The following LCA5L variants were observed in gnomAD, a reference collection of about 807,000 sequenced individuals.
The protein encoded by LCA5L is lebercilin-like protein.
LCA5L carries 35 observed loss-of-function variants against 45.4 expected under a neutral mutation model. The observed-to-expected ratio is 0.77, with a 90% CI of 0.59 to 1.02. The LOEUF (loss-of-function observed/expected upper bound fraction) is 1.02, where lower values mean the gene tolerates loss of function less well. LCA5L is among the 50% of genes least tolerant of loss of function. The probability of loss-of-function intolerance (pLI) is 0.00; values close to 1 mark genes in which losing one functional copy is unlikely to be tolerated. For synonymous variants in LCA5L, 233 were observed against 264.7 expected (o/e 0.88, Z 1.16); for missense variants, 668 against 761.6 (o/e 0.88, Z 1.45).
chr21:39,428,824 G>C (rs1233291998), intron 4 of LCA5L, among the ~76,000 whole-genome samples: 2 of 150,686 alleles, frequency 1.3e-5, no homozygotes, highest in African/African-American at 4.9e-5. Context: ...ATGTTGCCCA[G>C]GCTGGTCTTG....
intron 1 of LCA5L, chr21:39,445,384 G>A (rs1360750328): frequency 6.6e-6 from 1 of 152,286 alleles, no homozygotes; most frequent in Admixed American, 6.5e-5. Flanking sequence ...CCTCGGTGGG[G>A]CGGCGGTGAG....
intron 3 of LCA5L, among the ~76,000 whole-genome samples, chr21:39,430,101 G>A (rs567673635): frequency 6.6e-6 from 1 of 152,244 alleles, no homozygotes; most frequent in South Asian, 2.1e-4. Flanking sequence ...GACTACAAAT[G>A]CTCCCGTGTA....
intron 2 of LCA5L, among the ~76,000 whole-genome samples, chr21:39,439,427 A>C (rs2076596850): frequency 6.6e-6 from 1 of 152,268 alleles, no homozygotes; most frequent in Non-Finnish European, 1.5e-5. Flanking sequence ...GCAGCAATAC[A>C]GAACTAATAC....
chr21:39,414,738 C>CTGTGTGTGTG (rs763309098), intron 7 of LCA5L, among the ~76,000 whole-genome samples: 4,377 of 106,758 alleles, frequency 0.041, 107 homozygotes, highest in Non-Finnish European at 0.049. Context: ...CTCTCTCTCT[C>CTGTGTGTGTG]TCTCTGTGTG....
chr21:39,441,164 T>C (rs2076812833), intron 2 of LCA5L, among the ~76,000 whole-genome samples: 1 of 152,030 alleles, frequency 6.6e-6, no homozygotes, highest in Non-Finnish European at 1.5e-5. Flanking sequence ...GGTGAGACCC[T>C]GTTCCTAAAA....
Position 39,440,169 on chromosome 21 carries a change from T to C in LCA5L, c.-246+3966A>G, listed in dbSNP as rs149642998. On this transcript the variant is annotated intron_variant, in intron 2 of 10. Coordinates refer to ENST00000288350, the MANE Select transcript of LCA5L (RefSeq NM_152505.4). The stretch of plus-strand genomic sequence containing the variant: ...CCCCAGAAACAATGAGTACACTGTG[T>C]ACCATTCTCCACTAAATACCATTCT... 7.2e-5 allele frequency among the ~76,000 whole-genome samples: 11 copies of C among 152,316 alleles called. No individual in the cohort carries two copies. In the East Asian group the frequency reaches 2.1e-3, roughly 29 times the overall value.
chr21:39,420,685 A>C (rs755189160), intron 7 of LCA5L, 21 bp downstream of exon 7: 1 of 1,595,442 alleles, frequency 6.3e-7, no homozygotes, highest in East Asian at 2.2e-5. Flanking sequence ...TCATTCTTAC[A>C]TTTTGTTTTA....
chr21:39,421,206 G>A (rs546241227), intron 6 of LCA5L, among the ~76,000 whole-genome samples: 21 of 150,736 alleles, frequency 1.4e-4, no homozygotes, highest in Non-Finnish European at 2.2e-4. Context: ...GGGTTCAAAC[G>A]ATTCTCCTGC....
chr21:39,419,293 G>A (rs1379091314), intron 7 of LCA5L, among the ~76,000 whole-genome samples: 3 of 152,130 alleles, frequency 2.0e-5, no homozygotes, highest in Non-Finnish European at 4.4e-5. Context: ...GGAAGGCCAA[G>A]GCAGGAGGAT....
At chr21:39,415,462 A>G (rs2040967836) in intron 7 of LCA5L, among the ~76,000 whole-genome samples, 1 of 152,090 alleles carries the variant, frequency 6.6e-6, no homozygotes. Context: ...GCTGTTTCCC[A>G]CTCTCTCTGA....
At position 39,405,786 on chromosome 21, in the gene LCA5L, T is replaced by G; in HGVS notation, c.*96A>C. ...TCAATTAAGTACTAAAACACACACA[T>G]ACATACACTCCCTCTCTCACACATT... On this transcript the variant is annotated 3_prime_UTR_variant, in exon 11 of 11. Coordinates refer to ENST00000288350, the MANE Select transcript of LCA5L (RefSeq NM_152505.4). 1.0e-6 allele frequency: 1 copy of G among 956,158 alleles called. No homozygotes were observed. The highest frequency in any genetic ancestry group is 1.5e-6 in the Non-Finnish European group (1 of 669,998). The allele number at this position is 956,158 out of a possible 1,614,324, so 59.2% of individuals were successfully genotyped here. A position where few individuals can be genotyped will look rare whatever the true frequency, so the allele number is the denominator to read the frequency against.
chr21:39,421,975 G>C (rs1194798515), intron 6 of LCA5L: 1 of 152,070 alleles, frequency 6.6e-6, no homozygotes, highest in Non-Finnish European at 1.5e-5. Context: ...GCTTTTACAT[G>C]ACAGACATAC....
chr21:39,428,676 G>A (rs2075294551), intron 4 of LCA5L, 173 bp from the exon 5 acceptor site: 1 of 140,738 alleles, frequency 7.1e-6, no homozygotes, highest in South Asian at 2.3e-4. Context: ...GCAGTGGTGT[G>A]GCCATGGCTT....
intron 3 of LCA5L, among the ~76,000 whole-genome samples, chr21:39,434,478 T>C (rs1333714978): frequency 6.6e-6 from 1 of 152,236 alleles, no homozygotes; most frequent in Non-Finnish European, 1.5e-5. Context: ...TTTCTGATTA[T>C]GTGGTGCATT....
rs1040353585 is a variant in LCA5L, at chr21:39,409,765, G to A, written c.1282+214C>T. 2.0e-5 allele frequency among the ~76,000 whole-genome samples: 3 copies of A among 152,008 alleles called. No homozygotes were observed. Among genetic ancestry groups the A allele is most frequent in the Non-Finnish European group, 4.4e-5 (3 of 68,002 alleles). On this transcript the variant is annotated intron_variant, in intron 10 of 10. Coordinates refer to ENST00000288350, the MANE Select transcript of LCA5L (RefSeq NM_152505.4). This position sits in a 1 kb window ranked among gnomAD's most constrained non-coding sequence, Gnocchi z 4.2. ...ATACCGCCATGTGCGGTTAAGTTTT[G>A]TATTTTTTAGTAGAGATAGGGTTTC...
chr21:39,423,556 C>T, intron 5 of LCA5L, 66 bp from the exon 6 acceptor site: 10 of 1,365,550 alleles, frequency 7.3e-6, no homozygotes, highest in Non-Finnish European at 9.8e-6. Flanking sequence ...TGCACATATG[C>T]ATAATCTCTC....
At chr21:39,426,895 G>A (rs2074805945) in intron 5 of LCA5L, among the ~76,000 whole-genome samples, 1 of 152,194 alleles carries the variant, frequency 6.6e-6, no homozygotes, top group Non-Finnish European at 1.5e-5. Context: ...TTAACCTTTT[G>A]AGACTCTGAT....
intron 2 of LCA5L, among the ~76,000 whole-genome samples, 178 bp from the exon 3 acceptor site, chr21:39,435,751 T>C (rs1232743896): frequency 6.6e-6 from 1 of 152,196 alleles, no homozygotes; most frequent in Non-Finnish European, 1.5e-5. Context: ...TTCTCCTGCC[T>C]CAGCCTCCTG....
At chr21:39,434,913 C>G (rs908202475) in intron 3 of LCA5L, among the ~76,000 whole-genome samples, 7 of 152,260 alleles carry the variant, frequency 4.6e-5, no homozygotes, top group African/African-American at 1.7e-4. Context: ...GCAAAAGGAT[C>G]TTAAAATAGG....
Sources: gnomAD v4.1 joint callset for allele counts (sites outside exome capture counted in the v4.1 genomes callset) on GRCh38, gnomAD v4.1.1 for gene constraint, Gnocchi (gnomAD v3.1) non-coding constraint, MANE v1.5 for transcripts, NCBI Gene and HGNC (gene_info 2026-07-23, HGNC 2026-07-21) for gene names.